The following SHISAL1 variants were observed in gnomAD, a reference collection of about 807,000 sequenced individuals.
SHISAL1 encodes the protein protein shisa-like-1.
Under a neutral mutation model 22.6 loss-of-function variants are expected in SHISAL1, and 9 were observed. The ratio of observed to expected loss-of-function variants is 0.40; its 90% CI spans 0.24 to 0.70. The LOEUF is 0.70. Among genes scored for constraint, SHISAL1 ranks in the 30% least tolerant of loss-of-function variants. SHISAL1 has a pLI of 0.39. For synonymous variants in SHISAL1, 119 were observed against 115.4 expected (o/e 1.03, Z -0.20); for missense variants, 246 against 270.6 (o/e 0.91, Z 0.64).
chr22:44,283,323 G>C (rs1190564408), intron 4 of SHISAL1, among the ~76,000 whole-genome samples: 1 of 152,210 alleles, frequency 6.6e-6, no homozygotes, highest in African/African-American at 2.4e-5. Context: ...GTCCCACCTG[G>C]ACCTGGAGCT....
At position 44,310,341 on chromosome 22, in the gene SHISAL1, A is replaced by T. The variant is rs1243055321; in HGVS notation, c.-33+2410T>A. On this transcript the variant is annotated intron_variant, in intron 1 of 4. Transcript: ENST00000381176. This position sits in a 1 kb window ranked among gnomAD's most constrained non-coding sequence, Gnocchi z 4.0. ...AATAAACCACAGCTCAGAGAAACTA[A>T]GTGATTGCCCAGAGCTGGAGGGTGG... Among the ~76,000 whole-genome samples, 3 of 152,240 alleles carry T rather than the reference A, an allele frequency of 2.0e-5. No individual in the cohort carries two copies. The East Asian group carries it at 5.8e-4, about 29-fold the overall frequency.
At position 44,249,313 on chromosome 22, in the gene SHISAL1, TC is replaced by T. The variant is rs921449572; in HGVS notation, c.*371del. 42 of 220,476 alleles carry T rather than the reference TC, an allele frequency of 1.9e-4. No homozygotes were observed. Among genetic ancestry groups the T allele is most frequent in the African/African-American group, 8.9e-4 (39 of 43,586 alleles). The allele number at this position is 220,476 out of a possible 1,614,324, so 13.7% of individuals were successfully genotyped here. On this transcript the variant is annotated 3_prime_UTR_variant, in exon 5 of 5. Coordinates refer to ENST00000381176, the MANE Select transcript of SHISAL1 (RefSeq NM_001099294.2). Reference sequence around the variant, plus strand: ...GGAGGGAGCAGGGGCAAGGGAAGCTTCGGTTTTCAACCACAGGTATAACTCA... The same window carrying T: ...GGAGGGAGCAGGGGCAAGGGAAGCTTGGTTTTCAACCACAGGTATAACTCA...
chr22:44,322,621 G>A, the SHISAL1 span, among the ~76,000 whole-genome samples: 1 of 152,198 alleles, frequency 6.6e-6, no homozygotes, highest in Non-Finnish European at 1.5e-5. Context: ...GGAAACAGAG[G>A]TTCAGAGTGG....
At chr22:44,317,351 C>T (rs1433991867), upstream of SHISAL1, among the ~76,000 whole-genome samples, 6 of 152,346 alleles carry the variant, frequency 3.9e-5, no homozygotes, top group Non-Finnish European at 7.3e-5. Flanking sequence ...GGGCGGTCCG[C>T]GCCCAGGAGG....
chr22:44,322,846 C>T, the SHISAL1 span, among the ~76,000 whole-genome samples: 1 of 152,228 alleles, frequency 6.6e-6, no homozygotes, highest in Non-Finnish European at 1.5e-5. Context: ...GAAGCTTCTG[C>T]CCCCAAACTT....
intron 3 of SHISAL1, among the ~76,000 whole-genome samples, chr22:44,289,631 C>T (rs984047451): frequency 2.0e-5 from 3 of 152,208 alleles, no homozygotes; most frequent in Non-Finnish European, 2.9e-5. Flanking sequence ...TTTGCTGATT[C>T]GCCCTTCCTT....
chr22:44,284,859 C>T (rs1043391229), intron 4 of SHISAL1, among the ~76,000 whole-genome samples: 9 of 152,004 alleles, frequency 5.9e-5, no homozygotes, highest in Non-Finnish European at 8.8e-5. Context: ...AGCCACCCCA[C>T]AAGGCCAACC....
chr22:44,326,627 C>T, the SHISAL1 span, among the ~76,000 whole-genome samples: 3 of 152,122 alleles, frequency 2.0e-5, no homozygotes, highest in African/African-American at 7.2e-5. Context: ...TTTCTGGAGG[C>T]AGCCGTTTGC....
the SHISAL1 span, among the ~76,000 whole-genome samples, chr22:44,331,706 C>G: frequency 6.8e-6 from 1 of 147,514 alleles, no homozygotes; most frequent in Non-Finnish European, 1.5e-5. The surrounding 1 kb of genome is among the most constrained non-coding windows in gnomAD (Gnocchi z 5.2). Flanking sequence ...GCGCCGGGCG[C>G]GGCGCGGAGC....
At chr22:44,329,262 C>T in the SHISAL1 span, among the ~76,000 whole-genome samples, 9 of 152,116 alleles carry the variant, frequency 5.9e-5, no homozygotes, top group Non-Finnish European at 1.2e-4. Flanking sequence ...GGATGGATGA[C>T]CGGTAACTGG....
chr22:44,325,932 G>A, the SHISAL1 span, among the ~76,000 whole-genome samples: 2 of 151,674 alleles, frequency 1.3e-5, no homozygotes, highest in African/African-American at 4.8e-5. Context: ...CTTCTACCAG[G>A]AAGCCCTCCC....
chr22:44,253,910 A>T (rs2055067318), intron 4 of SHISAL1, among the ~76,000 whole-genome samples: 1 of 152,112 alleles, frequency 6.6e-6, no homozygotes, highest in Non-Finnish European at 1.5e-5. Context: ...CATACACCAA[A>T]AGTGACTATC....
intron 4 of SHISAL1, among the ~76,000 whole-genome samples, chr22:44,273,246 C>T (rs896105831): frequency 6.6e-6 from 1 of 152,196 alleles, no homozygotes; most frequent in Non-Finnish European, 1.5e-5. Context: ...ACCTGTTCCC[C>T]AGGGGAAGAA....
chr22:44,247,285 G>C lies in SHISAL1; in HGVS notation c.*2400C>G, dbSNP rs1035383889. 2 of 152,202 alleles carry C rather than the reference G, an allele frequency of 1.3e-5. No individual in the cohort carries two copies. Among genetic ancestry groups the C allele is most frequent in the Non-Finnish European group, 2.9e-5 (2 of 68,078 alleles). The allele number at this position is 152,202 out of a possible 1,614,324, so 9.4% of individuals were successfully genotyped here. On this transcript the variant is annotated 3_prime_UTR_variant, in exon 5 of 5. Transcript: ENST00000381176. ...ACTGAGGTAACAGACCTTGCCTGAG[G>C]TCACGCTGTTCTCAGTGGCAGAGCT...
At chr22:44,285,174 A>G (rs1055232472) in intron 4 of SHISAL1, among the ~76,000 whole-genome samples, 1 of 152,018 alleles carries the variant, frequency 6.6e-6, no homozygotes, top group Non-Finnish European at 1.5e-5. Flanking sequence ...CCTCTCTCAC[A>G]CTGGGCTCTA....
chr22:44,295,929 T>G (rs1036921337), intron 3 of SHISAL1, among the ~76,000 whole-genome samples: 1 of 152,194 alleles, frequency 6.6e-6, no homozygotes, highest in African/African-American at 2.4e-5. Flanking sequence ...CAGGCCCTGA[T>G]CCCAATGTAT....
At chr22:44,289,084 C>T (rs568316640) in intron 3 of SHISAL1, among the ~76,000 whole-genome samples, 2 of 152,204 alleles carry the variant, frequency 1.3e-5, no homozygotes, top group African/African-American at 2.4e-5. Context: ...ATGTCTTGTG[C>T]GCCAGCAGCT....
chr22:44,316,979 C>T (rs181030952), upstream of SHISAL1, among the ~76,000 whole-genome samples: 74 of 152,316 alleles, frequency 4.9e-4, no homozygotes, highest in African/African-American at 1.7e-3. Flanking sequence ...TGTGATTAAG[C>T]GAAGTTGCCT....
chr22:44,266,954 A>C (rs951823236), intron 4 of SHISAL1, among the ~76,000 whole-genome samples: 2 of 152,042 alleles, frequency 1.3e-5, no homozygotes, highest in African/African-American at 4.8e-5. Flanking sequence ...CATCCCAGCT[A>C]TGTAAAAGGC....
Sources: allele counts gnomAD v4.1 joint callset (sites outside exome capture counted in the v4.1 genomes callset), GRCh38; gene constraint gnomAD v4.1.1; non-coding constraint Gnocchi (gnomAD v3.1); transcripts MANE v1.5; gene names NCBI Gene and HGNC (gene_info 2026-07-23, HGNC 2026-07-21).